The following DENND3 variants were observed in gnomAD, a reference collection of about 807,000 sequenced individuals.
DENND3 encodes DENN domain containing 3.
DENND3 carries 88 observed loss-of-function variants against 135.1 expected under a neutral mutation model. The ratio of observed to expected loss-of-function variants is 0.65; its 90% CI spans 0.55 to 0.78. The LOEUF (loss-of-function observed/expected upper bound fraction) is 0.78, where lower values mean the gene tolerates loss of function less well. Among genes scored for constraint, DENND3 ranks in the 30% least tolerant of loss-of-function variants. The pLI is 0.00. For missense variants in DENND3, 1,392 were observed against 1,688.4 expected, an observed-to-expected ratio of 0.82 and a Z score of 3.08; for synonymous variants, 693 against 712.3, an observed-to-expected ratio of 0.97 and a Z score of 0.43.
At position 141,146,694 on chromosome 8, in the gene DENND3, C is replaced by T. The variant is rs532456348; in HGVS notation, c.735+2435C>T. The stretch of plus-strand genomic sequence containing the variant: ...ACATTACCCCAACCCCAGCAGTCTG[C>T]TGGGTGGAAAATCCTGCCGGTGCAT... On this transcript the variant is annotated intron_variant, in intron 5 of 22. Transcript: ENST00000519811. The surrounding 1 kb of genome is among the most constrained non-coding windows in gnomAD (Gnocchi z 4.3). Among the ~76,000 whole-genome samples, 2 of 152,302 alleles carry T rather than the reference C, an allele frequency of 1.3e-5. No homozygotes were observed. The highest frequency in any genetic ancestry group is 1.3e-4 in the Admixed American group (2 of 15,300).
intron 20 of DENND3, chr8:141,192,068 A>G (rs1321745166): frequency 2.5e-6 from 1 of 398,298 alleles, no homozygotes; most frequent in East Asian, 4.4e-5. Context: ...GCAGTCAATG[A>G]TCTTTCAAGA....
At chr8:141,191,076 C>T (rs1480514980) in intron 20 of DENND3, among the ~76,000 whole-genome samples, 9 of 152,312 alleles carry the variant, frequency 5.9e-5, no homozygotes, top group African/African-American at 1.7e-4. Context: ...GTAAAGCTCA[C>T]CAAAAAGTGC....
At position 141,159,891 on chromosome 8, in the gene DENND3, G is replaced by A. The variant is rs552608547; in HGVS notation, c.1197-741G>A. 6.6e-5 allele frequency among the ~76,000 whole-genome samples: 10 copies of A among 152,310 alleles called. No homozygotes were observed. In the East Asian group the frequency reaches 7.7e-4, roughly 12 times the overall value. ...TGGTGGGCCAAGAGTGGTGACACCC[G>A]GGACGTTTGTTGCAGGGCACAGAGG... On this transcript the variant is annotated intron_variant, in intron 8 of 22. Transcript: ENST00000519811.
intron 17 of DENND3, among the ~76,000 whole-genome samples, chr8:141,183,273 A>G (rs1244017656): frequency 6.6e-6 from 1 of 152,172 alleles, no homozygotes; most frequent in East Asian, 1.9e-4. Context: ...TTTTTCTGAG[A>G]CAGGGTCTGA....
rs1815498132 is a variant in DENND3 at position 141,128,782 on chromosome 8, C to G, written c.75C>G (p.Pro25=). 6.2e-6 allele frequency: 9 copies of G among 1,461,990 alleles called. No homozygotes were observed. The highest frequency in any genetic ancestry group is 4.6e-5 in the Admixed American group (2 of 43,130). 90.6% of individuals were successfully genotyped at this position (1,461,990 alleles called of 1,614,324 possible). The change falls in exon 1 of 23, where the codon CCC becomes CCG. Residue 25 remains proline (P), a synonymous_variant. Coordinates refer to ENST00000519811, the MANE Select transcript of DENND3 (RefSeq NM_001352890.3). The surrounding 1 kb of genome is among the most constrained non-coding windows in gnomAD (Gnocchi z 4.5). ...LLELCALLGA[P]RDSLRSLEQV... ...AGCTCTGCGCGCTGCTGGGCGCCCCCCGGGACAGTCTCCGAAGTCTCGAGC... is the reference window on the plus strand; with the variant it reads ...AGCTCTGCGCGCTGCTGGGCGCCCCGCGGGACAGTCTCCGAAGTCTCGAGC...
chr8:141,187,606 C>T (rs1426867991), intron 18 of DENND3, among the ~76,000 whole-genome samples: 1 of 152,088 alleles, frequency 6.6e-6, no homozygotes, highest in Non-Finnish European at 1.5e-5. Context: ...GCTTGCAAAA[C>T]TGCTATAAAA....
intron 1 of DENND3, 43 bp from the exon 2 acceptor site, chr8:141,136,466 G>C: frequency 2.0e-6 from 3 of 1,501,240 alleles, no homozygotes; most frequent in Non-Finnish European, 2.7e-6. Context: ...CCTCGAACAA[G>C]AGCTGAGGCT....
chr8:141,166,411 G>A lies in DENND3; in HGVS notation c.1753+22G>A, dbSNP rs772384054. On this transcript the variant is annotated intron_variant, in intron 12 of 22. Transcript: ENST00000519811. This position sits in a 1 kb window ranked among gnomAD's most constrained non-coding sequence, Gnocchi z 4.3. ...GCAGGTGAGGGCTGCCCCCCACTGT[G>A]GTGCTGTGTGTCGGTCCCACCATTC... 6.2e-7 allele frequency: 1 copy of A among 1,600,344 alleles called. No homozygotes were observed. Among genetic ancestry groups the A allele is most frequent in the South Asian group, 1.1e-5 (1 of 90,542 alleles).
chr8:141,168,952 G>A lies in DENND3; in HGVS notation c.2275+427G>A, dbSNP rs1165430086. 6.6e-6 allele frequency among the ~76,000 whole-genome samples: 1 copy of A among 152,132 alleles called. No homozygotes were observed. Among genetic ancestry groups the A allele is most frequent in the Non-Finnish European group, 1.5e-5 (1 of 68,036 alleles). On this transcript the variant is annotated intron_variant, in intron 13 of 22. Coordinates refer to ENST00000519811, the MANE Select transcript of DENND3 (RefSeq NM_001352890.3). The surrounding 1 kb of genome is among the most constrained non-coding windows in gnomAD (Gnocchi z 6.2). ...TGGCTCACTGCAACCTCTGCCTCCT[G>A]GGTTCAAGTGATTCTCCTGTCTTAA...
intron 22 of DENND3, chr8:141,193,770 G>A (rs1825085295): frequency 3.6e-6 from 2 of 550,026 alleles, no homozygotes; most frequent in Non-Finnish European, 3.3e-6. Context: ...GTTGTTTGGT[G>A]AGAACACTTA....
chr8:141,164,532 C>T (rs1019943233), intron 10 of DENND3, among the ~76,000 whole-genome samples: 2 of 152,230 alleles, frequency 1.3e-5, no homozygotes, highest in Non-Finnish European at 2.9e-5. Context: ...CAGGGCCCTC[C>T]GCCTTGGCTG....
intron 22 of DENND3, chr8:141,192,911 G>GA (rs1386049171): frequency 6.8e-7 from 1 of 1,467,220 alleles, no homozygotes. Flanking sequence ...TCAAATGACA[G>GA]AACTTAATTT....
intron 16 of DENND3, among the ~76,000 whole-genome samples, chr8:141,179,831 C>T (rs1032063886): frequency 2.0e-5 from 3 of 152,210 alleles, no homozygotes; most frequent in African/African-American, 4.8e-5. Flanking sequence ...CATCAGGTTG[C>T]TATGACAGTA....
At chr8:141,169,892 C>A (rs1821303621) in intron 13 of DENND3, among the ~76,000 whole-genome samples, 1 of 152,190 alleles carries the variant, frequency 6.6e-6, no homozygotes, top group Non-Finnish European at 1.5e-5. Flanking sequence ...CACCATTTGT[C>A]CACCTGTTTC....
chr8:141,189,160 T>C lies in DENND3; in HGVS notation c.3245+14T>C. 1 of 1,613,910 alleles carries C rather than the reference T, an allele frequency of 6.2e-7. No homozygotes were observed. The highest frequency in any genetic ancestry group is 1.1e-5 in the South Asian group (1 of 91,058). On this transcript the variant is annotated intron_variant, in intron 19 of 22. Coordinates refer to ENST00000519811, the MANE Select transcript of DENND3 (RefSeq NM_001352890.3). Reference sequence around the variant, plus strand: ...GGAGGCACCCAGGTGCAGTAAGCTCTGCTGGGGAGAAGGGACTGTTTGGCT... The same window carrying C: ...GGAGGCACCCAGGTGCAGTAAGCTCCGCTGGGGAGAAGGGACTGTTTGGCT...
rs1320647123 is a variant in DENND3, at chr8:141,150,909, C to T, written c.811C>T (p.Leu271Phe). The change falls in exon 6 of 23, where the codon CTT becomes TTT. Residue 271 changes from leucine to phenylalanine, a missense_variant. Leu to Phe is a conservative substitution (Grantham distance 22). Transcript: ENST00000519811. The stretch of plus-strand genomic sequence containing the variant: ...CGAAAGCCCCATCCTGGACCTGGAC[C>T]TTCACCTGCCCTTGCTGTGCTTCAG... ...DPESPILDLD[L>F]HLPLLCFRPE... 1.2e-6 allele frequency: 2 copies of T among 1,609,448 alleles called. No individual in the cohort carries two copies. Among genetic ancestry groups the T allele is most frequent in the East Asian group, 2.2e-5 (1 of 44,464 alleles).
intron 7 of DENND3, among the ~76,000 whole-genome samples, chr8:141,153,813 C>CT: frequency 6.6e-6 from 1 of 152,210 alleles, no homozygotes; most frequent in Non-Finnish European, 1.5e-5. Flanking sequence ...GTTTCAGGCT[C>CT]TTTTAGGAGG....
rs1457044890 is a variant in DENND3, at chr8:141,195,181, A to C, written c.*948A>C. On this transcript the variant is annotated 3_prime_UTR_variant, in exon 23 of 23. Transcript: ENST00000519811. ...TCTTGGCTGTACATAAATATTTGTA[A>C]AAGAGACCCTTTGCACCTTTTTACT... is the stretch of plus-strand genomic sequence containing the variant. The C allele has an allele frequency of 1.3e-5, 2 of 152,288 alleles. No individual in the cohort carries two copies. The highest frequency in any genetic ancestry group is 2.9e-5 in the Non-Finnish European group (2 of 68,066). 9.4% of individuals were successfully genotyped at this position (152,288 alleles called of 1,614,324 possible).
intron 11 of DENND3, 40 bp downstream of exon 11, chr8:141,165,329 A>G (rs1158897157): frequency 6.6e-7 from 1 of 1,523,580 alleles, no homozygotes; most frequent in Admixed American, 1.7e-5. Context: ...GCTCTTTAGG[A>G]ATCACAGTGT....
Sources: allele counts gnomAD v4.1 joint callset (sites outside exome capture counted in the v4.1 genomes callset), GRCh38; gene constraint gnomAD v4.1.1; non-coding constraint Gnocchi (gnomAD v3.1); transcripts MANE v1.5; gene names NCBI Gene and HGNC (gene_info 2026-07-23, HGNC 2026-07-21).